DYNC1H1: variants seen among roughly 807,000 people sequenced by gnomAD.
DYNC1H1 encodes dynein cytoplasmic 1 heavy chain 1.
Under a neutral mutation model 527.1 loss-of-function variants are expected in DYNC1H1, and 51 were observed. The observed-to-expected ratio is 0.10, with a 90% CI of 0.08 to 0.12. The LOEUF (loss-of-function observed/expected upper bound fraction) is 0.12. DYNC1H1 is among the 10% of genes least tolerant of loss of function. The pLI, the probability that DYNC1H1 is intolerant of heterozygous loss-of-function variation, is 1.00. For missense variants in DYNC1H1, 2,771 were observed against 5,971.8 expected, an observed-to-expected ratio of 0.46 and a Z score of 17.66; for synonymous variants, 2,189 against 2,278.8, an observed-to-expected ratio of 0.96 and a Z score of 1.12.
Position 102,010,800 on chromosome 14 carries a change from C to T in DYNC1H1, c.6466C>T (p.Leu2156=), listed in dbSNP as rs1285222476. The stretch of plus-strand genomic sequence containing the variant: ...AAAGCTGGTGGCAGAGGACATCCCG[C>T]TGCTCTTCAGCCTCCTGTCGGACGT... The part of the protein sequence containing the change: ...VPKLVAEDIP[L]LFSLLSDVFP... The change falls in exon 32 of 78, where the codon CTG becomes TTG. Residue 2156 remains leucine (L), a synonymous_variant. Transcript: ENST00000360184. This position sits in a 1 kb window ranked among gnomAD's most constrained non-coding sequence, Gnocchi z 6.0. 1 of 1,614,044 alleles carries T rather than the reference C, an allele frequency of 6.2e-7. No individual in the cohort carries two copies. The highest frequency in any genetic ancestry group is 1.1e-5 in the South Asian group (1 of 91,072).
chr14:102,034,620 A>G (rs2048550181), intron 56 of DYNC1H1, 168 bp downstream of exon 56: 1 of 1,108,726 alleles, frequency 9.0e-7, no homozygotes, highest in Non-Finnish European at 1.3e-6. Flanking sequence ...TGTTCTCGTT[A>G]TTGTCAAGTG....
chr14:101,996,546 C>A (rs564379643), intron 15 of DYNC1H1, among the ~76,000 whole-genome samples: 1 of 152,302 alleles, frequency 6.6e-6, no homozygotes, highest in East Asian at 1.9e-4. Context: ...CTGCGGTGGG[C>A]TCTCAGAGGA....
At chr14:101,981,858 T>C (rs1008875939) in intron 5 of DYNC1H1, among the ~76,000 whole-genome samples, 1 of 152,236 alleles carries the variant, frequency 6.6e-6, no homozygotes, top group African/African-American at 2.4e-5. Context: ...GTTAGTAATA[T>C]GTTCACCTAA....
intron 34 of DYNC1H1, among the ~76,000 whole-genome samples, chr14:102,013,410 C>T (rs2048282487): frequency 6.6e-6 from 1 of 152,104 alleles, no homozygotes; most frequent in Non-Finnish European, 1.5e-5. Context: ...GAAGCCTTCC[C>T]TGAGAACGTA....
rs1013881762 is a variant in DYNC1H1 at position 102,047,904 on chromosome 14, G to A, written c.13094G>A (p.Arg4365Lys). 1 of 1,613,724 alleles carries A rather than the reference G, an allele frequency of 6.2e-7. No individual in the cohort carries two copies. Among genetic ancestry groups the A allele is most frequent in the Middle Eastern group, 1.6e-4 (1 of 6,062 alleles). The change falls in exon 73 of 78, where the codon AGG becomes AAG. Residue 4365 changes from arginine to lysine, a missense_variant. Around this residue, in one of 32 missense-constraint regions of DYNC1H1, gnomAD observed 170 missense variants for 249.8 expected, o/e 0.68. Coordinates refer to ENST00000360184, the MANE Select transcript of DYNC1H1 (RefSeq NM_001376.5). ...TACGCAGAGACTGAGAAGAAGACGA[G>A]GACAGACTCCACGTCCGACGGGCGC... ...LAYAETEKKT[R>K]TDSTSDGRPA... is the part of the protein sequence containing the mutation.
Position 102,032,282 on chromosome 14 carries a change from G to A in DYNC1H1, c.9894G>A (p.Ser3298=), listed in dbSNP as rs1026620794. 5.0e-6 allele frequency: 8 copies of A among 1,613,770 alleles called. No individual in the cohort carries two copies. The highest frequency in any genetic ancestry group is 2.7e-5 in the African/African-American group (2 of 74,874). The change falls in exon 52 of 78, where the codon TCG becomes TCA. Residue 3298 remains serine (S), a synonymous_variant. Coordinates refer to ENST00000360184, the MANE Select transcript of DYNC1H1 (RefSeq NM_001376.5). ...AVIEAQNAVK[S]IKKQHLVEVR... The stretch of plus-strand genomic sequence containing the variant: ...CCTGCTGCCACTCAGCTGTGAAGTC[G>A]ATCAAGAAGCAGCACCTGGTGGAGG...
intron 29 of DYNC1H1, 65 bp from the exon 30 acceptor site, chr14:102,009,778 T>G: frequency 6.2e-7 from 1 of 1,610,840 alleles, no homozygotes; most frequent in Non-Finnish European, 8.5e-7. Context: ...TTAGAGACAT[T>G]TTAGAATGCA....
Position 102,000,013 on chromosome 14 carries a change from C to G in DYNC1H1, c.3829C>G (p.Leu1277Val). Residue 1277 changes from leucine to valine, a missense_variant, in exon 17 of 78, where the codon CTT becomes GTT. Leu to Val is a conservative substitution (Grantham distance 32). Transcript: ENST00000360184. ...VTGNLRPEEA[L>V]QALTIYEGKF... The stretch of plus-strand genomic sequence containing the variant: ...GGGCAACCTTCGCCCAGAAGAGGCA[C>G]TTCAGGCTCTCACCATATATGAGGG... The G allele has an allele frequency of 6.2e-7, 1 of 1,614,224 alleles. No homozygotes were observed. Among genetic ancestry groups the G allele is most frequent in the Non-Finnish European group, 8.5e-7 (1 of 1,180,054 alleles).
In DYNC1H1 at chr14:102,009,931, C is replaced by T. The variant is rs769412278; in HGVS notation, c.6066C>T (p.Tyr2022=). The T allele has an allele frequency of 2.0e-5, 32 of 1,614,000 alleles. No individual in the cohort carries two copies. The highest frequency in any genetic ancestry group is 3.3e-5 in the South Asian group (3 of 91,088). Residue 2022 remains tyrosine (Y), a synonymous_variant, in exon 30 of 78, where the codon TAC becomes TAT. Coordinates refer to ENST00000360184, the MANE Select transcript of DYNC1H1 (RefSeq NM_001376.5). ...TCTTCATCACCATGAACCCTGGCTA[C>T]GCGGGCCGGTCTAACCTTCCTGACA... is the stretch of plus-strand genomic sequence containing the variant. ...MAIFITMNPG[Y]AGRSNLPDNL... is the part of the protein sequence containing the mutation.
In DYNC1H1 at chr14:102,039,665, A is replaced by G. The variant is rs2048621290; in HGVS notation, c.11623A>G (p.Met3875Val). 6.2e-7 allele frequency: 1 copy of G among 1,614,060 alleles called. No homozygotes were observed. Among genetic ancestry groups the G allele is most frequent in the Admixed American group, 1.7e-5 (1 of 60,002 alleles). ...QVAFNRVARGMLHQDHITFAM... is the reference protein window; with the variant it reads ...QVAFNRVARGVLHQDHITFAM... The stretch of plus-strand genomic sequence containing the variant: ...GGCGTTTAACCGAGTGGCTCGAGGC[A>G]TGCTGCATCAGGACCACATTACCTT... Residue 3875 changes from methionine to valine, a missense_variant, in exon 62 of 78, where the codon ATG (methionine) becomes GTG (valine). Coordinates refer to ENST00000360184, the MANE Select transcript of DYNC1H1 (RefSeq NM_001376.5). The surrounding 1 kb of genome is among the most constrained non-coding windows in gnomAD (Gnocchi z 7.0).
intron 18 of DYNC1H1, 89 bp downstream of exon 18, chr14:102,000,488 T>C: frequency 8.4e-7 from 1 of 1,192,478 alleles, no homozygotes; most frequent in Non-Finnish European, 1.2e-6. Flanking sequence ...TGTGTATTTG[T>C]ATTGTGAGTT....
chr14:101,987,925 A>G (rs934944030), intron 9 of DYNC1H1, among the ~76,000 whole-genome samples: 2 of 152,120 alleles, frequency 1.3e-5, no homozygotes, highest in African/African-American at 4.8e-5. Flanking sequence ...TATAAATACA[A>G]AAACTAGCCA....
Position 102,052,666 on chromosome 14 carries a change from C to G in DYNC1H1, c.*2103C>G, listed in dbSNP as rs1397794269. 4 of 152,342 alleles carry G rather than the reference C, an allele frequency of 2.6e-5. No homozygotes were observed. The highest frequency in any genetic ancestry group is 2.1e-4 in the South Asian group (1 of 4,830). The allele number at this position is 152,342 out of a possible 1,614,324, so 9.4% of individuals were successfully genotyped here. On this transcript the variant is annotated 3_prime_UTR_variant, in exon 78 of 78. Coordinates refer to ENST00000360184, the MANE Select transcript of DYNC1H1 (RefSeq NM_001376.5). ...CTAGGTGGTGGCCATGCCCCTCGAG[C>G]TCTGCTTGGCACGTGTCTGCCAGTC...
intron 43 of DYNC1H1, among the ~76,000 whole-genome samples, chr14:102,025,221 A>G (rs17541290): frequency 1.3e-5 from 2 of 151,806 alleles, no homozygotes; most frequent in Non-Finnish European, 1.5e-5. Context: ...CCTTACCAAC[A>G]TGGTGAAAAC....
chr14:102,050,009 T>C, intron 76 of DYNC1H1, 62 bp from the exon 77 acceptor site: 1 of 1,614,192 alleles, frequency 6.2e-7, no homozygotes, highest in Non-Finnish European at 8.5e-7. Context: ...GGGCGCCCTG[T>C]GACTGGGGTT....
chr14:102,016,301 T>G lies in DYNC1H1; in HGVS notation c.7474-48T>G. On this transcript the variant is annotated intron_variant, in intron 36 of 77. Coordinates refer to ENST00000360184, the MANE Select transcript of DYNC1H1 (RefSeq NM_001376.5). The surrounding 1 kb of genome is among the most constrained non-coding windows in gnomAD (Gnocchi z 7.3). ...AACTTTGCTGTAAGTGTCTTTCTTTTGTTGTTGAAATTTTATAAAAATCAA... is the reference window on the plus strand; with the variant it reads ...AACTTTGCTGTAAGTGTCTTTCTTTGGTTGTTGAAATTTTATAAAAATCAA... 1 of 1,610,446 alleles carries G rather than the reference T, an allele frequency of 6.2e-7. No homozygotes were observed. The highest frequency in any genetic ancestry group is 8.5e-7 in the Non-Finnish European group (1 of 1,177,812).
rs781028481 is a variant in DYNC1H1 at position 101,994,219 on chromosome 14, A to G, written c.3051A>G (p.Lys1017=). 15 of 1,614,090 alleles carry G rather than the reference A, an allele frequency of 9.3e-6. No homozygotes were observed. Among genetic ancestry groups the G allele is most frequent in the Middle Eastern group, 1.6e-4 (1 of 6,084 alleles). ...GVHYELTEEE[K]FYRNALTRMP... ...ATTACGAATTGACTGAGGAAGAGAA[A>G]TTCTATCGGAATGCTTTAACACGGA... is the stretch of plus-strand genomic sequence containing the variant. Residue 1017 remains lysine, a synonymous_variant, in exon 12 of 78, where the codon AAA becomes AAG. Coordinates refer to ENST00000360184, the MANE Select transcript of DYNC1H1 (RefSeq NM_001376.5).
chr14:101,989,170 A>C (rs779219092), intron 10 of DYNC1H1, among the ~76,000 whole-genome samples: 1 of 152,228 alleles, frequency 6.6e-6, no homozygotes, highest in Non-Finnish European at 1.5e-5. Context: ...GTAAATCTAA[A>C]ATAATTATTT....
Position 102,001,826 on chromosome 14 carries a change from C to T in DYNC1H1, c.4542+145C>T. 1 of 1,154,100 alleles carries T rather than the reference C, an allele frequency of 8.7e-7. No homozygotes were observed. Among genetic ancestry groups the T allele is most frequent in the South Asian group, 1.4e-5 (1 of 70,364 alleles). 71.5% of individuals were successfully genotyped at this position (1,154,100 alleles called of 1,614,324 possible). Reference sequence around the variant, plus strand: ...TCACTCTGTCTCCCACGCTGGAGTGCAGTGGCACCATCACAGCTCACTGCT... The same window carrying T: ...TCACTCTGTCTCCCACGCTGGAGTGTAGTGGCACCATCACAGCTCACTGCT... On this transcript the variant is annotated intron_variant, in intron 21 of 77. Transcript: ENST00000360184. The surrounding 1 kb of genome is among the most constrained non-coding windows in gnomAD (Gnocchi z 5.0).
Sources: gnomAD v4.1 joint callset for allele counts (sites outside exome capture counted in the v4.1 genomes callset) on GRCh38, gnomAD v4.1.1 for gene constraint, gnomAD v4.1.1 regional missense constraint, Gnocchi (gnomAD v3.1) non-coding constraint, MANE v1.5 for transcripts, NCBI Gene and HGNC (gene_info 2026-07-23, HGNC 2026-07-21) for gene names.